Variants in NCOA1 observed in about 807,000 individuals in gnomAD.
NCOA1 encodes the protein Hin-2 protein.
A neutral mutation model predicts 150.9 loss-of-function variants in NCOA1; 35 were observed. The observed-to-expected ratio is 0.23, with a 90% CI of 0.18 to 0.31. NCOA1 has a LOEUF of 0.31. Ranked by LOEUF, NCOA1 falls within the 10% of genes least tolerant of loss-of-function variation. NCOA1 has a pLI of 1.00. For missense variants in NCOA1, 1,491 were observed against 1,749.3 expected (o/e 0.85, Z 2.63); for synonymous variants, 590 against 630.0 (o/e 0.94, Z 0.95).
intron 3 of NCOA1, among the ~76,000 whole-genome samples, chr2:24,605,374 T>C (rs1332810225): frequency 6.6e-6 from 1 of 152,238 alleles, no homozygotes; most frequent in Admixed American, 6.5e-5. Flanking sequence ...GTATGTATTC[T>C]ACTATCTACC....
chr2:24,676,707 C>G (rs192041100), intron 7 of NCOA1, among the ~76,000 whole-genome samples: 12 of 152,186 alleles, frequency 7.9e-5, no homozygotes, highest in Admixed American at 5.9e-4. Flanking sequence ...AAGTTGAAAC[C>G]CAATCCAAGG....
intron 21 of NCOA1, among the ~76,000 whole-genome samples, chr2:24,761,858 T>C (rs1013173722): frequency 4.6e-5 from 7 of 152,266 alleles, no homozygotes; most frequent in African/African-American, 1.4e-4. Context: ...TACATGATAC[T>C]ACATGAATTA....
intron 4 of NCOA1, among the ~76,000 whole-genome samples, chr2:24,653,131 A>G (rs1670781124): frequency 6.6e-6 from 1 of 152,122 alleles, no homozygotes; most frequent in Non-Finnish European, 1.5e-5. Context: ...AGCAGTTGTG[A>G]ATCTCCAGCT....
intron 2 of NCOA1, among the ~76,000 whole-genome samples, chr2:24,566,037 A>G (rs527957930): frequency 6.6e-6 from 1 of 152,268 alleles, no homozygotes; most frequent in Admixed American, 6.5e-5. Context: ...CAACGTGGCA[A>G]GCAAGGAGCA....
intron 4 of NCOA1, among the ~76,000 whole-genome samples, chr2:24,648,492 C>T (rs1286735355): frequency 6.6e-6 from 1 of 152,090 alleles, no homozygotes; most frequent in Non-Finnish European, 1.5e-5. Context: ...AGGCTGATCT[C>T]GAACTCCTGA....
chr2:24,675,413 A>T (rs1671858893), intron 7 of NCOA1, among the ~76,000 whole-genome samples: 1 of 152,210 alleles, frequency 6.6e-6, no homozygotes, highest in South Asian at 2.1e-4. Flanking sequence ...CTGCTGCTAG[A>T]ATGAGTGTAC....
intron 11 of NCOA1, among the ~76,000 whole-genome samples, chr2:24,702,807 TG>T (rs1409827409): frequency 6.6e-6 from 1 of 152,092 alleles, no homozygotes; most frequent in Non-Finnish European, 1.5e-5. Flanking sequence ...ATAAACAAAA[TG>T]GGATTCCAAA....
chr2:24,523,763 T>C (rs1235997916), intron 1 of NCOA1, among the ~76,000 whole-genome samples: 3 of 147,494 alleles, frequency 2.0e-5, no homozygotes, highest in African/African-American at 7.5e-5. Flanking sequence ...CCATCTCTAC[T>C]GAAAATACAA....
chr2:24,494,650 G>A (rs902856157), intron 1 of NCOA1, among the ~76,000 whole-genome samples: 1 of 152,198 alleles, frequency 6.6e-6, no homozygotes, highest in African/African-American at 2.4e-5. Context: ...GTCCAAAAAT[G>A]TTTTGGAGGG....
chr2:24,729,504 G>C lies in NCOA1; in HGVS notation c.2890G>C (p.Gly964Arg). The change falls in exon 17 of 23, where the codon GGT becomes CGT. Residue 964 changes from glycine (G) to arginine (R), a missense_variant. Transcript: ENST00000348332. ...ALGIDKLVQG[G>R]GLDVLSERFP... ...ATTCTGGCTTCTTTTCTAACAGGGG[G>C]GTGGATTAGATGTATTATCAGAGAG... is the stretch of plus-strand genomic sequence containing the variant. The C allele has an allele frequency of 6.2e-7, 1 of 1,610,986 alleles. No individual in the cohort carries two copies. The highest frequency in any genetic ancestry group is 8.5e-7 in the Non-Finnish European group (1 of 1,177,432).
intron 11 of NCOA1, among the ~76,000 whole-genome samples, chr2:24,699,328 G>T (rs1673044551): frequency 6.6e-6 from 1 of 152,146 alleles, no homozygotes; most frequent in African/African-American, 2.4e-5. Flanking sequence ...GATCTGGCTT[G>T]TCTTATTATC....
At chr2:24,666,250 G>A (rs926341578) in intron 6 of NCOA1, among the ~76,000 whole-genome samples, 5 of 151,798 alleles carry the variant, frequency 3.3e-5, no homozygotes, top group Non-Finnish European at 7.4e-5. Flanking sequence ...TCCTGACCTC[G>A]TGATCCGCCC....
intron 2 of NCOA1, among the ~76,000 whole-genome samples, chr2:24,568,874 T>G (rs1666617538): frequency 1.3e-5 from 2 of 152,362 alleles, no homozygotes; most frequent in Middle Eastern, 3.4e-3. Context: ...ATACTAGTGC[T>G]TGATACAGGT....
rs1280442530 is a variant in NCOA1, at chr2:24,758,009, T to G, written c.3918T>G (p.Pro1306=). 1 of 1,614,028 alleles carries G rather than the reference T, an allele frequency of 6.2e-7. No homozygotes were observed. Among genetic ancestry groups the G allele is most frequent in the African/African-American group, 1.3e-5 (1 of 74,920 alleles). ...FSQAVQNQPT[P]AQPGVYNNMS... ...AAGCTGTCCAGAACCAGCCCACGCC[T>G]GCACAGCCAGGAGTATACAACAACA... is the stretch of plus-strand genomic sequence containing the variant. The change falls in exon 21 of 23, where the codon CCT becomes CCG. Residue 1306 remains proline, a synonymous_variant. Transcript: ENST00000348332.
intron 1 of NCOA1, among the ~76,000 whole-genome samples, chr2:24,514,511 G>A (rs1050025988): frequency 1.3e-5 from 2 of 151,818 alleles, no homozygotes; most frequent in African/African-American, 4.8e-5. Flanking sequence ...GTAATAAAAT[G>A]TGAATATAGG....
chr2:24,521,444 G>A (rs889761170), intron 1 of NCOA1, among the ~76,000 whole-genome samples: 1 of 151,996 alleles, frequency 6.6e-6, no homozygotes, highest in African/African-American at 2.4e-5. Flanking sequence ...GCTTCTATGA[G>A]TTCAACTTTT....
chr2:24,624,062 C>A (rs1669294299), intron 3 of NCOA1, among the ~76,000 whole-genome samples: 1 of 152,088 alleles, frequency 6.6e-6, no homozygotes, highest in Non-Finnish European at 1.5e-5. Flanking sequence ...GACATTCTCA[C>A]CAATAGTGCA....
rs56197142 is a variant in NCOA1 at position 24,583,696 on chromosome 2, G to A, written c.-259-780G>A. 5.3e-3 allele frequency among the ~76,000 whole-genome samples: 801 copies of A among 152,168 alleles called. 6 individuals carry two copies. Among genetic ancestry groups the A allele is most frequent in the Middle Eastern group, 0.02 (6 of 294 alleles). On this transcript the variant is annotated intron_variant, in intron 2 of 22. Transcript: ENST00000348332. Reference sequence around the variant, plus strand: ...GAAAATATGATATATATACAGAATGGAATACTATTCAGCCATAAAGAAGAA... The same window carrying A: ...GAAAATATGATATATATACAGAATGAAATACTATTCAGCCATAAAGAAGAA...
In NCOA1 at chr2:24,610,358, G is replaced by A. The variant is rs553624655; in HGVS notation, c.-175+25798G>A. Among the ~76,000 whole-genome samples, 8 of 151,670 alleles carry A rather than the reference G, an allele frequency of 5.3e-5. No individual in the cohort carries two copies. In the South Asian group the frequency reaches 1.5e-3, roughly 28 times the overall value. On this transcript the variant is annotated intron_variant, in intron 3 of 22. Transcript: ENST00000348332. ...GGGTTTTACCGTGTTAGCCAGGATG[G>A]TCTTGATCTTCTGACCTCGTAATCT...
Sources: allele counts gnomAD v4.1 joint callset (sites outside exome capture counted in the v4.1 genomes callset), GRCh38; gene constraint gnomAD v4.1.1; transcripts MANE v1.5; gene names NCBI Gene and HGNC (gene_info 2026-07-23, HGNC 2026-07-21).